ACTR6: variants seen among roughly 807,000 people sequenced by gnomAD.
ACTR6 encodes actin-related protein 6.
Under a neutral mutation model 52.5 loss-of-function variants are expected in ACTR6, and 50 were observed. That is an observed-to-expected ratio of 0.95 (90% CI 0.76 to 1.20). The LOEUF is 1.20. ACTR6 is among the 50% of genes most tolerant of loss of function. The probability of loss-of-function intolerance (pLI) is 0.00; values close to 1 mark genes in which losing one functional copy is unlikely to be tolerated. For missense variants in ACTR6, 344 were observed against 472.4 expected (o/e 0.73, Z 2.52); for synonymous variants, 135 against 147.2 (o/e 0.92, Z 0.60).
intron 8 of ACTR6, among the ~76,000 whole-genome samples, chr12:100,213,168 C>G (rs1405503877): frequency 1.3e-5 from 2 of 152,060 alleles, no homozygotes; most frequent in Non-Finnish European, 2.9e-5. Context: ...ACAGCACTCA[C>G]TATAGCCTTT....
intron 8 of ACTR6, among the ~76,000 whole-genome samples, chr12:100,215,318 T>C (rs1566295968): frequency 6.6e-6 from 1 of 152,240 alleles, no homozygotes; most frequent in Non-Finnish European, 1.5e-5. Context: ...CCTATTTGTT[T>C]ATTGGACATT....
rs1566300015 is a variant in ACTR6 at position 100,223,971 on chromosome 12, A to G, written c.*56A>G. On this transcript the variant is annotated 3_prime_UTR_variant, in exon 11 of 11. Transcript: ENST00000188312. ...AAGGTTTAATTTCAAAGTTCCTTTT[A>G]AAAGAGGTTAAGGAACTGTGTTACC... 6.4e-7 allele frequency: 1 copy of G among 1,556,042 alleles called. No individual in the cohort carries two copies. Among genetic ancestry groups the G allele is most frequent in the East Asian group, 2.3e-5 (1 of 43,862 alleles).
intron 2 of ACTR6, 183 bp from the exon 3 acceptor site, chr12:100,205,492 TA>T (rs1320023468): frequency 1.6e-5 from 6 of 373,456 alleles, no homozygotes; most frequent in Non-Finnish European, 2.4e-5. Context: ...TAAAGTATAA[TA>T]AAAAAATTTT....
intron 4 of ACTR6, chr12:100,208,632 TATC>T (rs1685927178): frequency 2.2e-6 from 1 of 444,776 alleles, no homozygotes; most frequent in Non-Finnish European, 4.5e-6. Flanking sequence ...TCTCTCATTT[TATC>T]TTTTTACTAA....
chr12:100,201,066 T>C (rs1337313525), intron 1 of ACTR6, 147 bp downstream of exon 1: 1 of 1,502,898 alleles, frequency 6.7e-7, no homozygotes, highest in African/African-American at 1.4e-5. Context: ...GCTGGGTGGG[T>C]GATTGTGATG....
chr12:100,208,495 G>C (rs921631574), intron 4 of ACTR6, among the ~76,000 whole-genome samples: 2 of 151,998 alleles, frequency 1.3e-5, no homozygotes, highest in Non-Finnish European at 2.9e-5. Flanking sequence ...GGCTGGTCTT[G>C]AACTCCTGAT....
intron 1 of ACTR6, among the ~76,000 whole-genome samples, chr12:100,202,263 T>G (rs534320550): frequency 3.2e-4 from 49 of 152,138 alleles, no homozygotes; most frequent in African/African-American, 1.2e-3. Flanking sequence ...ACCTAGAGAA[T>G]TAATTAGAAG....
At position 100,218,479 on chromosome 12, in the gene ACTR6, A is replaced by G. The variant is rs753713858; in HGVS notation, c.815A>G (p.Asn272Ser). Residue 272 changes from asparagine (N) to serine (S), a missense_variant, in exon 9 of 11, where the codon AAT (asparagine) becomes AGT (serine). Physicochemically the swap from Asn to Ser is conservative, Grantham distance 46. Coordinates refer to ENST00000188312, the MANE Select transcript of ACTR6 (RefSeq NM_022496.5). The surrounding 1 kb of genome is among the most constrained non-coding windows in gnomAD (Gnocchi z 4.2). ...GGGGAACAAATTCTTCGTTTGGCCAATGAGAGATTTGCTGTTCCGGAAATA... is the reference window on the plus strand; with the variant it reads ...GGGGAACAAATTCTTCGTTTGGCCAGTGAGAGATTTGCTGTTCCGGAAATA... ...KSGEQILRLANERFAVPEILF... is the reference protein window; with the variant it reads ...KSGEQILRLASERFAVPEILF... The G allele has an allele frequency of 6.8e-6, 11 of 1,609,302 alleles. No homozygotes were observed. The highest frequency in any genetic ancestry group is 6.8e-6 in the Non-Finnish European group (8 of 1,177,858).
chr12:100,205,592 A>G, intron 2 of ACTR6, 84 bp from the exon 3 acceptor site: 2 of 838,562 alleles, frequency 2.4e-6, no homozygotes, highest in Non-Finnish European at 3.5e-6. Flanking sequence ...TCTGATTTTT[A>G]AAAATTATTC....
intron 1 of ACTR6, among the ~76,000 whole-genome samples, chr12:100,201,943 T>G (rs947728318): frequency 1.3e-5 from 2 of 151,946 alleles, no homozygotes; most frequent in African/African-American, 2.4e-5. Flanking sequence ...TTTTTTTTTT[T>G]TTTTTGGAGA....
chr12:100,223,340 CA>C (rs1287386473), intron 10 of ACTR6, among the ~76,000 whole-genome samples: 47 of 136,388 alleles, frequency 3.4e-4, no homozygotes, highest in Non-Finnish European at 3.0e-4. Context: ...GACTCCGTCT[CA>C]AAAAAAAAAA....
chr12:100,208,159 A>AG (rs2096116578), intron 4 of ACTR6, among the ~76,000 whole-genome samples: 1 of 152,226 alleles, frequency 6.6e-6, no homozygotes, highest in Admixed American at 6.5e-5. Context: ...TCCAAAAAAA[A>AG]AAGAAATTGA....
intron 8 of ACTR6, among the ~76,000 whole-genome samples, chr12:100,217,594 T>C (rs892027579): frequency 3.1e-4 from 47 of 152,172 alleles, no homozygotes; most frequent in African/African-American, 1.1e-3. Flanking sequence ...TTGGGTGGGT[T>C]AGCAGAAAAT....
chr12:100,224,067 A>G lies in ACTR6; in HGVS notation c.*152A>G. ...GATTGCTAATTTTCAAAGGCTTCTT[A>G]GGTAGGTTACTACAGTAAACTGTAA... On this transcript the variant is annotated 3_prime_UTR_variant, in exon 11 of 11. Transcript: ENST00000188312. The G allele has an allele frequency of 1.2e-6, 1 of 815,470 alleles. No individual in the cohort carries two copies. Among genetic ancestry groups the G allele is most frequent in the Non-Finnish European group, 1.8e-6 (1 of 555,792 alleles). 50.5% of individuals were successfully genotyped at this position (815,470 alleles called of 1,614,324 possible).
At chr12:100,202,802 A>G (rs960677242) in intron 1 of ACTR6, among the ~76,000 whole-genome samples, 2 of 150,974 alleles carry the variant, frequency 1.3e-5, no homozygotes, top group African/African-American at 4.9e-5. Flanking sequence ...GCTTGCAGTG[A>G]GCCGAGATCA....
chr12:100,209,002 C>A, intron 4 of ACTR6: 2 of 326,738 alleles, frequency 6.1e-6, no homozygotes, highest in South Asian at 2.4e-5. Context: ...CCGCCTTGGC[C>A]TCCCATAGTG....
Position 100,224,064 on chromosome 12 carries a change from CT to C in ACTR6, c.*151del. On this transcript the variant is annotated 3_prime_UTR_variant, in exon 11 of 11. Transcript: ENST00000188312. Reference sequence around the variant, plus strand: ...ATCGATTGCTAATTTTCAAAGGCTTCTTAGGTAGGTTACTACAGTAAACTGT... The same window carrying C: ...ATCGATTGCTAATTTTCAAAGGCTTCTAGGTAGGTTACTACAGTAAACTGT... The C allele has an allele frequency of 1.2e-6, 1 of 835,036 alleles. No homozygotes were observed. The highest frequency in any genetic ancestry group is 1.7e-6 in the Non-Finnish European group (1 of 572,828). The allele number at this position is 835,036 out of a possible 1,614,324, so 51.7% of individuals were successfully genotyped here.
At chr12:100,221,578 G>A (rs373431205) in intron 10 of ACTR6, 1 of 151,862 alleles carries the variant, frequency 6.6e-6, no homozygotes, top group Non-Finnish European at 1.5e-5. Flanking sequence ...ATAAATATAT[G>A]TGTATACTTA....
chr12:100,217,271 T>G (rs1309726296), intron 8 of ACTR6, among the ~76,000 whole-genome samples: 1 of 152,194 alleles, frequency 6.6e-6, no homozygotes, highest in Non-Finnish European at 1.5e-5. Context: ...AGTGGATATG[T>G]GATGGTGAAC....
Sources: gnomAD v4.1 joint callset for allele counts (sites outside exome capture counted in the v4.1 genomes callset) on GRCh38, gnomAD v4.1.1 for gene constraint, Gnocchi (gnomAD v3.1) non-coding constraint, MANE v1.5 for transcripts, NCBI Gene and HGNC (gene_info 2026-07-23, HGNC 2026-07-21) for gene names.